The following KIAA1328 variants were observed in gnomAD, a reference collection of about 807,000 sequenced individuals.
KIAA1328 encodes protein hinderin.
In KIAA1328, 52 loss-of-function variants were observed where a neutral mutation model predicts 68.1. The ratio of observed to expected loss-of-function variants is 0.76; its 90% confidence interval spans 0.61 to 0.96. The LOEUF is 0.96. KIAA1328 is among the 40% of genes least tolerant of loss of function. The pLI, the probability that KIAA1328 is intolerant of heterozygous loss-of-function variation, is 0.00. For missense variants in KIAA1328, 641 were observed against 677.6 expected, an observed-to-expected ratio of 0.95 and a Z score of 0.60; for synonymous variants, 232 against 239.4, an observed-to-expected ratio of 0.97 and a Z score of 0.28.
chr18:36,918,816 CAGTTT>C (rs1422197829), intron 5 of KIAA1328, among the ~76,000 whole-genome samples: 3 of 152,126 alleles, frequency 2.0e-5, no homozygotes, highest in African/African-American at 4.8e-5. Context: ...CATTATCATT[CAGTTT>C]AAATTATTTT....
At chr18:36,842,445 C>T (rs1219371004) in intron 3 of KIAA1328, among the ~76,000 whole-genome samples, 1 of 152,114 alleles carries the variant, frequency 6.6e-6, no homozygotes, top group Non-Finnish European at 1.5e-5. Flanking sequence ...CAGAGTTCAA[C>T]AGAGTGCCAG....
intron 4 of KIAA1328, among the ~76,000 whole-genome samples, chr18:36,876,216 G>C (rs2048119134): frequency 6.6e-6 from 1 of 151,994 alleles, no homozygotes; most frequent in Admixed American, 6.6e-5. Flanking sequence ...TTTTTCTATT[G>C]TTTGGAATAG....
rs895855068 is a variant in KIAA1328 at position 36,939,257 on chromosome 18, G to A, written c.449-20051G>A. 2.6e-5 allele frequency among the ~76,000 whole-genome samples: 4 copies of A among 152,008 alleles called. No individual in the cohort carries two copies. The South Asian group carries it at 8.3e-4, about 31-fold the overall frequency. The stretch of plus-strand genomic sequence containing the variant: ...ACCTTTCCACTTATTTGTGTCATCG[G>A]CAATTTCCTCAATGTTTTATAATTT... On this transcript the variant is annotated intron_variant, in intron 5 of 9. Transcript: ENST00000280020.
intron 3 of KIAA1328, among the ~76,000 whole-genome samples, chr18:36,836,794 C>G (rs2046689535): frequency 6.6e-6 from 1 of 152,074 alleles, no homozygotes; most frequent in Non-Finnish European, 1.5e-5. Context: ...TTCTCATTCC[C>G]CAGTCATCTC....
At chr18:37,049,041 A>G (rs983858674) in intron 6 of KIAA1328, among the ~76,000 whole-genome samples, 2 of 152,132 alleles carry the variant, frequency 1.3e-5, no homozygotes, top group Non-Finnish European at 2.9e-5. Flanking sequence ...CTATGCAAAA[A>G]CCATTATTTA....
intron 9 of KIAA1328, among the ~76,000 whole-genome samples, chr18:37,206,306 G>A (rs1003821201): frequency 1.1e-4 from 17 of 152,152 alleles, no homozygotes; most frequent in Non-Finnish European, 1.6e-4. Flanking sequence ...GGAAGAGGAC[G>A]GTTTAAGGTG....
chr18:37,000,542 T>C (rs917534844), intron 6 of KIAA1328, among the ~76,000 whole-genome samples: 3 of 152,110 alleles, frequency 2.0e-5, no homozygotes, highest in Non-Finnish European at 4.4e-5. Flanking sequence ...CTGCAGAATA[T>C]ACATTCCTTT....
At chr18:36,856,799 T>C (rs2047397977) in intron 4 of KIAA1328, among the ~76,000 whole-genome samples, 1 of 152,174 alleles carries the variant, frequency 6.6e-6, no homozygotes, top group African/African-American at 2.4e-5. Context: ...ATTGTGGAAA[T>C]CTAGATTTCC....
chr18:37,024,384 T>G (rs535911439), intron 6 of KIAA1328, among the ~76,000 whole-genome samples: 1 of 147,976 alleles, frequency 6.8e-6, no homozygotes, highest in African/African-American at 2.5e-5. Flanking sequence ...TTTATATATA[T>G]ATATTTATTA....
chr18:37,193,864 G>A (rs1030628127), intron 9 of KIAA1328, among the ~76,000 whole-genome samples: 1 of 152,072 alleles, frequency 6.6e-6, no homozygotes, highest in East Asian at 1.9e-4. Flanking sequence ...ACCCTTCTTG[G>A]ATATAGGTAC....
Position 37,222,430 on chromosome 18 carries a change from G to A in KIAA1328, c.*203G>A. The A allele has an allele frequency of 7.1e-7, 1 of 1,415,362 alleles. No individual in the cohort carries two copies. The highest frequency in any genetic ancestry group is 2.6e-5 in the East Asian group (1 of 38,274). 87.7% of individuals were successfully genotyped at this position (1,415,362 alleles called of 1,614,324 possible). A position where few individuals can be genotyped will look rare whatever the true frequency, so the allele number is the denominator to read the frequency against. ...ACCAGGCATTCGATAACACACTAAG[G>A]GGGTAGGAATGGAAGATGGTATCTT... On this transcript the variant is annotated 3_prime_UTR_variant, in exon 10 of 10. Transcript: ENST00000280020.
intron 7 of KIAA1328, among the ~76,000 whole-genome samples, chr18:37,108,720 C>A (rs2057843837): frequency 6.6e-6 from 1 of 152,136 alleles, no homozygotes; most frequent in Non-Finnish European, 1.5e-5. Flanking sequence ...ACATTCCATA[C>A]TAGGACACCT....
At chr18:37,072,083 A>G (rs1207133690) in intron 7 of KIAA1328, among the ~76,000 whole-genome samples, 1 of 152,162 alleles carries the variant, frequency 6.6e-6, no homozygotes, top group Non-Finnish European at 1.5e-5. Context: ...AAAATCTATT[A>G]TATTTATCTG....
intron 1 of KIAA1328, 30 bp downstream of exon 1, chr18:36,829,226 C>T (rs1429578668): frequency 3.3e-6 from 5 of 1,494,884 alleles, no homozygotes; most frequent in Non-Finnish European, 8.9e-7. Flanking sequence ...CAGGGGGCGC[C>T]GGCGCCCTCC....
intron 4 of KIAA1328, among the ~76,000 whole-genome samples, chr18:36,866,339 T>A (rs2047751093): frequency 6.6e-6 from 1 of 152,106 alleles, no homozygotes; most frequent in African/African-American, 2.4e-5. Flanking sequence ...AAGGGATGCT[T>A]GAGCCCCAAC....
At chr18:37,187,163 CA>C (rs796685868) in intron 9 of KIAA1328, among the ~76,000 whole-genome samples, 163 of 139,544 alleles carry the variant, frequency 1.2e-3, no homozygotes, top group Admixed American at 1.4e-3. Flanking sequence ...GACTCCATCT[CA>C]AAAAAAAAAA....
At chr18:37,095,431 TA>T (rs973493225) in intron 7 of KIAA1328, among the ~76,000 whole-genome samples, 6 of 151,962 alleles carry the variant, frequency 3.9e-5, no homozygotes, top group African/African-American at 1.2e-4. Flanking sequence ...AGAGGAACTA[TA>T]AAAAAATGTA....
chr18:37,205,504 A>G (rs769597753), intron 9 of KIAA1328, among the ~76,000 whole-genome samples: 16 of 152,222 alleles, frequency 1.1e-4, no homozygotes, highest in Admixed American at 2.6e-4. Flanking sequence ...GAATGTTCCC[A>G]TGCATTTTCA....
intron 7 of KIAA1328, among the ~76,000 whole-genome samples, chr18:37,086,598 G>A (rs1345250448): frequency 6.6e-6 from 1 of 152,138 alleles, no homozygotes; most frequent in Non-Finnish European, 1.5e-5. Context: ...GTAGCTTACT[G>A]TAGGAGTGCA....
Sources: allele counts gnomAD v4.1 joint callset (sites outside exome capture counted in the v4.1 genomes callset), GRCh38; gene constraint gnomAD v4.1.1; transcripts MANE v1.5; gene names NCBI Gene and HGNC (gene_info 2026-07-23, HGNC 2026-07-21).